Variants in AGPS observed in about 807,000 individuals in gnomAD.
AGPS encodes the protein alkylglycerone phosphate synthase.
Under a neutral mutation model 90.7 loss-of-function variants are expected in AGPS, and 26 were observed. That is an observed-to-expected ratio of 0.29 (90% CI 0.21 to 0.40). AGPS has a LOEUF of 0.40. AGPS is among the 10% of genes least tolerant of loss of function. The probability of loss-of-function intolerance (pLI) is 1.00; values close to 1 mark genes in which losing one functional copy is unlikely to be tolerated. For missense variants in AGPS, 540 were observed against 816.1 expected (o/e 0.66, Z 4.12); for synonymous variants, 294 against 285.3 (o/e 1.03, Z -0.31).
chr2:177,503,497 T>A (rs1688620585), intron 14 of AGPS, among the ~76,000 whole-genome samples: 1 of 152,194 alleles, frequency 6.6e-6, no homozygotes, highest in African/African-American at 2.4e-5. Flanking sequence ...ATGAGACAGC[T>A]TTAAATTTGT....
At position 177,510,641 on chromosome 2, in the gene AGPS, A is replaced by G. The variant is rs1337877357; in HGVS notation, c.1607+2610A>G. On this transcript the variant is annotated intron_variant, in intron 16 of 19. Transcript: ENST00000264167. ...ACTTACATATTTATTTGACACACTG[A>G]TAATTTCTGTTTTATGCAGTTACAC... 3.3e-5 allele frequency among the ~76,000 whole-genome samples: 5 copies of G among 151,992 alleles called. No homozygotes were observed. In the East Asian group the frequency reaches 9.6e-4, roughly 29 times the overall value.
intron 1 of AGPS, among the ~76,000 whole-genome samples, chr2:177,416,918 G>A (rs1295893184): frequency 6.6e-6 from 1 of 152,092 alleles, no homozygotes; most frequent in Non-Finnish European, 1.5e-5. Flanking sequence ...TGACCTCTGG[G>A]GTTAGTTGAG....
At chr2:177,497,299 A>T (rs951411045) in intron 12 of AGPS, among the ~76,000 whole-genome samples, 25 of 148,624 alleles carry the variant, frequency 1.7e-4, no homozygotes, top group African/African-American at 6.1e-4. Flanking sequence ...CTATATAATT[A>T]AAAAAAAAAG....
At chr2:177,501,632 A>G (rs1043753354) in intron 14 of AGPS, among the ~76,000 whole-genome samples, 8 of 152,078 alleles carry the variant, frequency 5.3e-5, no homozygotes, top group Admixed American at 3.9e-4. Context: ...GTATTTGTCA[A>G]TACATTTTGT....
At chr2:177,456,134 A>T (rs556542700) in intron 8 of AGPS, among the ~76,000 whole-genome samples, 1 of 152,220 alleles carries the variant, frequency 6.6e-6, no homozygotes, top group Non-Finnish European at 1.5e-5. Flanking sequence ...GCAATGAGCC[A>T]TGATTGTGCC....
intron 1 of AGPS, among the ~76,000 whole-genome samples, chr2:177,406,199 C>T (rs1204382271): frequency 6.6e-6 from 1 of 152,226 alleles, no homozygotes; most frequent in Middle Eastern, 3.2e-3. Flanking sequence ...TGTCTCACTT[C>T]TAGCCTGGTC....
intron 1 of AGPS, among the ~76,000 whole-genome samples, chr2:177,416,085 G>A (rs1419619563): frequency 1.3e-5 from 2 of 152,096 alleles, no homozygotes; most frequent in East Asian, 3.8e-4. Flanking sequence ...TGACTATTAT[G>A]ATTAGAAATA....
chr2:177,450,291 A>T lies in AGPS; in HGVS notation c.870+4665A>T, dbSNP rs141146683. Among the ~76,000 whole-genome samples, 9 of 152,146 alleles carry T rather than the reference A, an allele frequency of 5.9e-5. No homozygotes were observed. In the East Asian group the frequency reaches 1.7e-3, roughly 29 times the overall value. ...TTTCATTTTCTTACACTATCTTTTG[A>T]AGACCAGCTGTGTTTAATTTTTATG... is the stretch of plus-strand genomic sequence containing the variant. On this transcript the variant is annotated intron_variant, in intron 8 of 19. Coordinates refer to ENST00000264167, the MANE Select transcript of AGPS (RefSeq NM_003659.4).
rs2079213006 is a variant in AGPS at position 177,539,505 on chromosome 2, T to G, written c.*1310T>G. On this transcript the variant is annotated 3_prime_UTR_variant, in exon 20 of 20. Transcript: ENST00000264167. ...TCTTTTCTTAATGCAATACCTAACTTTTGATAATTTTTTAAAACTAATATT... is the reference window on the plus strand; with the variant it reads ...TCTTTTCTTAATGCAATACCTAACTGTTGATAATTTTTTAAAACTAATATT... 6.6e-6 allele frequency: 1 copy of G among 151,982 alleles called. No homozygotes were observed. Among genetic ancestry groups the G allele is most frequent in the Admixed American group, 6.6e-5 (1 of 15,246 alleles). The allele number at this position is 151,982 out of a possible 1,614,324, so 9.4% of individuals were successfully genotyped here.
intron 2 of AGPS, among the ~76,000 whole-genome samples, chr2:177,431,034 G>A (rs1164194729): frequency 1.3e-5 from 2 of 152,160 alleles, no homozygotes; most frequent in Non-Finnish European, 2.9e-5. Flanking sequence ...GAGGCTAGAT[G>A]ATTGTATATA....
chr2:177,483,785 T>C (rs1203759472), intron 11 of AGPS, among the ~76,000 whole-genome samples: 4 of 152,164 alleles, frequency 2.6e-5, no homozygotes, highest in Non-Finnish European at 4.4e-5. Context: ...GGATTGGAGA[T>C]AAGTTTTTGG....
At chr2:177,489,295 A>G (rs1039253533) in intron 11 of AGPS, among the ~76,000 whole-genome samples, 2 of 152,112 alleles carry the variant, frequency 1.3e-5, no homozygotes, top group African/African-American at 4.8e-5. Flanking sequence ...TGTGTTAGCC[A>G]GGATGGTCTC....
intron 2 of AGPS, among the ~76,000 whole-genome samples, chr2:177,422,861 C>T (rs1183625172): frequency 6.6e-6 from 1 of 152,036 alleles, no homozygotes; most frequent in African/African-American, 2.4e-5. Context: ...TATCAGAAAA[C>T]ATTTACAAAC....
chr2:177,535,416 A>C (rs1346190011), intron 19 of AGPS, among the ~76,000 whole-genome samples: 1 of 151,068 alleles, frequency 6.6e-6, no homozygotes, highest in African/African-American at 2.4e-5. Flanking sequence ...GTGTGTTAAC[A>C]TGGGTACAGA....
In AGPS at chr2:177,392,910, C is replaced by T; in HGVS notation, c.121C>T (p.Leu41Phe). Residue 41 changes from leucine (L) to phenylalanine (F), a missense_variant, in exon 1 of 20, where the codon CTC (leucine) becomes TTC (phenylalanine). Leu to Phe is a conservative substitution (Grantham distance 22). Coordinates refer to ENST00000264167, the MANE Select transcript of AGPS (RefSeq NM_003659.4). The part of the protein sequence containing the change: ...PDRAGRRLRV[L>F]SGHLLGRPRE... ...CCGCGCCGGGCGGAGGCTGCGGGTT[C>T]TCTCTGGCCATCTGCTGGGCCGGCC... The T allele has an allele frequency of 2.6e-6, 4 of 1,550,442 alleles. No homozygotes were observed. Among genetic ancestry groups the T allele is most frequent in the Non-Finnish European group, 3.5e-6 (4 of 1,147,116 alleles).
rs1400248543 is a variant in AGPS, at chr2:177,450,963, C to CATATATATATATATATATATAT, written c.870+5349_870+5350insATATATATATATATATATATAT. Among the ~76,000 whole-genome samples, 6 of 6,348 alleles carry CATATATATATATATATATATAT rather than the reference C, an allele frequency of 9.5e-4. 1 individual carries two copies. The highest frequency in any genetic ancestry group is 1.7e-3 in the African/African-American group (5 of 3,014). 4.2% of individuals were successfully genotyped at this position (6,348 alleles called of 152,430 possible). On this transcript the variant is annotated intron_variant, in intron 8 of 19. Transcript: ENST00000264167. ...TACGGTTTTCTATGTACATGTCTTTCATATATATATATTTTAGAGACAAGA... is the reference window on the plus strand; with the variant it reads ...TACGGTTTTCTATGTACATGTCTTTCATATATATATATATATATATATATATATATATATTTTAGAGACAAGA...
chr2:177,464,483 A>G (rs974274106), intron 9 of AGPS, among the ~76,000 whole-genome samples: 10 of 152,246 alleles, frequency 6.6e-5, no homozygotes, highest in African/African-American at 2.4e-4. Flanking sequence ...GTTTGAAAAA[A>G]GTTGAAGATA....
intron 8 of AGPS, among the ~76,000 whole-genome samples, chr2:177,448,418 A>G (rs1686838783): frequency 6.6e-6 from 1 of 152,192 alleles, no homozygotes; most frequent in African/African-American, 2.4e-5. Context: ...AATTTATATT[A>G]TCATCCTAGA....
At chr2:177,408,725 A>C (rs1422706904) in intron 1 of AGPS, among the ~76,000 whole-genome samples, 2 of 152,140 alleles carry the variant, frequency 1.3e-5, no homozygotes, top group Non-Finnish European at 2.9e-5. Flanking sequence ...TCTCTCTCTC[A>C]ATTCCAGTCT....
Sources: gnomAD v4.1 joint callset for allele counts (sites outside exome capture counted in the v4.1 genomes callset) on GRCh38, gnomAD v4.1.1 for gene constraint, MANE v1.5 for transcripts, NCBI Gene and HGNC (gene_info 2026-07-23, HGNC 2026-07-21) for gene names.